MIDEAS: variants seen among roughly 807,000 people sequenced by gnomAD.
The protein encoded by MIDEAS is mitotic deacetylase associated SANT domain protein.
In MIDEAS, 26 loss-of-function variants were observed where a neutral mutation model predicts 102.7. The ratio of observed to expected loss-of-function variants is 0.25; its 90% CI spans 0.19 to 0.35. The LOEUF (loss-of-function observed/expected upper bound fraction) is 0.35. MIDEAS is among the 10% of genes least tolerant of loss of function. The pLI is 1.00. For synonymous variants in MIDEAS, 585 were observed against 591.0 expected (o/e 0.99, Z 0.15); for missense variants, 1,231 against 1,435.6 (o/e 0.86, Z 2.30).
At position 73,718,712 on chromosome 14, in the gene MIDEAS, C is replaced by G; in HGVS notation, c.*131G>C. ...AAAAGAGCCGTTTATGTCATTGTCT[C>G]ATTTGTTTCGCAGGGAAAAGTCCCT... is the stretch of plus-strand genomic sequence containing the variant. On this transcript the variant is annotated 3_prime_UTR_variant, in exon 13 of 13. Coordinates refer to ENST00000423556, the MANE Select transcript of MIDEAS (RefSeq NM_001367710.1). 1 of 952,114 alleles carries G rather than the reference C, an allele frequency of 1.1e-6. No individual in the cohort carries two copies. 59.0% of individuals were successfully genotyped at this position (952,114 alleles called of 1,614,324 possible).
At position 73,725,355 on chromosome 14, in the gene MIDEAS, C is replaced by A; in HGVS notation, c.2491G>T (p.Asp831Tyr). 1 of 1,613,890 alleles carries A rather than the reference C, an allele frequency of 6.2e-7. No individual in the cohort carries two copies. The highest frequency in any genetic ancestry group is 1.1e-5 in the South Asian group (1 of 91,034). The change falls in exon 9 of 13, where the codon GAC becomes TAC. Residue 831 changes from aspartate (D) to tyrosine (Y), a missense_variant. Coordinates refer to ENST00000423556, the MANE Select transcript of MIDEAS (RefSeq NM_001367710.1). This position sits in a 1 kb window ranked among gnomAD's most constrained non-coding sequence, Gnocchi z 4.1. Reference sequence around the variant, plus strand: ...TTCCTCTCGGCCATCTTCCACTGGTCAGAGCCTATGGGGCAAAGAGGCAGC... The same window carrying A: ...TTCCTCTCGGCCATCTTCCACTGGTAAGAGCCTATGGGGCAAAGAGGCAGC... ...PLATYHYTGSDQWKMAERKLF... is the reference protein window; with the variant it reads ...PLATYHYTGSYQWKMAERKLF...
At chr14:73,727,560 C>A (rs753244875) in intron 4 of MIDEAS, 36 bp from the exon 5 acceptor site, 2 of 1,566,650 alleles carry the variant, frequency 1.3e-6, no homozygotes, top group Admixed American at 1.8e-5. Flanking sequence ...AATAGCACCC[C>A]CCTTTCAGCA....
At chr14:73,740,965 G>A (rs2053273831) in intron 1 of MIDEAS, among the ~76,000 whole-genome samples, 1 of 152,224 alleles carries the variant, frequency 6.6e-6, no homozygotes, top group Non-Finnish European at 1.5e-5. Context: ...CCCCACCCCT[G>A]GGAAGAGCTG....
At chr14:73,789,664 G>A (rs1233043002), upstream of MIDEAS, among the ~76,000 whole-genome samples, 1 of 152,246 alleles carries the variant, frequency 6.6e-6, no homozygotes, top group Admixed American at 6.5e-5. Context: ...GGAAAGGAAA[G>A]CAGGGGCCAG....
At position 73,760,240 on chromosome 14, in the gene MIDEAS, A is replaced by G. The variant is rs1212170825; in HGVS notation, c.-725T>C. 6.6e-6 allele frequency: 1 copy of G among 152,142 alleles called. No homozygotes were observed. Among genetic ancestry groups the G allele is most frequent in the African/African-American group, 2.4e-5 (1 of 41,370 alleles). 9.4% of individuals were successfully genotyped at this position (152,142 alleles called of 1,614,324 possible). On this transcript the variant is annotated 5_prime_UTR_variant, in exon 1 of 13. Coordinates refer to ENST00000423556, the MANE Select transcript of MIDEAS (RefSeq NM_001367710.1). This position sits in a 1 kb window ranked among gnomAD's most constrained non-coding sequence, Gnocchi z 4.8. ...TCGAGGCTGGGAGCGCGGAGCGCCCAGCGGCCGGCCGGCGCGCGCGGCACC... is the reference window on the plus strand; with the variant it reads ...TCGAGGCTGGGAGCGCGGAGCGCCCGGCGGCCGGCCGGCGCGCGCGGCACC...
At chr14:73,734,578 TTTG>T (rs1013744508) in intron 3 of MIDEAS, among the ~76,000 whole-genome samples, 28 of 151,942 alleles carry the variant, frequency 1.8e-4, no homozygotes, top group Admixed American at 1.8e-3. Context: ...CAGCTAATCT[TTTG>T]TTGTTGTTGT....
rs750116914 is a variant in MIDEAS, at chr14:73,729,658, G to A, written c.2077C>T (p.Arg693Cys). 8.7e-6 allele frequency: 14 copies of A among 1,611,394 alleles called. No homozygotes were observed. The highest frequency in any genetic ancestry group is 2.2e-5 in the East Asian group (1 of 44,830). Residue 693 changes from arginine (R) to cysteine (C), a missense_variant, in exon 4 of 13, where the codon CGC becomes TGC. Arg to Cys is a radical substitution (Grantham distance 180). Coordinates refer to ENST00000423556, the MANE Select transcript of MIDEAS (RefSeq NM_001367710.1). ...PPPITPKSAH[R>C]TLLRTNSAEV... ...CACTCACTAGTCCGGAGCAGCGTGC[G>A]ATGGGCACTCTTAGGCGTGATGGGA...
intron 1 of MIDEAS, among the ~76,000 whole-genome samples, chr14:73,751,545 G>A (rs1595280050): frequency 6.6e-6 from 1 of 151,888 alleles, no homozygotes; most frequent in Admixed American, 6.6e-5. Context: ...TGCCTAAGAG[G>A]AAGTCACACC....
chr14:73,778,183 C>T (rs182941646), intron 1 of MIDEAS, among the ~76,000 whole-genome samples: 126 of 151,926 alleles, frequency 8.3e-4, no homozygotes, highest in African/African-American at 3.0e-3. Context: ...AGTGCAACCC[C>T]GTTTCTACTA....
At chr14:73,777,679 G>A (rs750799895) in intron 1 of MIDEAS, among the ~76,000 whole-genome samples, 15 of 151,970 alleles carry the variant, frequency 9.9e-5, no homozygotes, top group Non-Finnish European at 2.1e-4. Context: ...TCAGCACTCA[G>A]CTCAAACAGC....
rs1172756111 is a variant in MIDEAS at position 73,759,602 on chromosome 14, C to A, written c.-248+161G>T. On this transcript the variant is annotated intron_variant, in intron 1 of 12. Transcript: ENST00000423556. The surrounding 1 kb of genome is among the most constrained non-coding windows in gnomAD (Gnocchi z 6.7). ...GCCCGCTCCACCGCCGCCCAGGCCGCAGAAGTTCGAGCGCAGCGGCCCCCG... is the reference window on the plus strand; with the variant it reads ...GCCCGCTCCACCGCCGCCCAGGCCGAAGAAGTTCGAGCGCAGCGGCCCCCG... Among the ~76,000 whole-genome samples, 7 of 149,254 alleles carry A rather than the reference C, an allele frequency of 4.7e-5. No homozygotes were observed. In the East Asian group the frequency reaches 1.4e-3, roughly 29 times the overall value.
At chr14:73,756,949 G>T (rs1375537228) in intron 1 of MIDEAS, among the ~76,000 whole-genome samples, 2 of 151,980 alleles carry the variant, frequency 1.3e-5, no homozygotes, top group African/African-American at 2.4e-5. Context: ...CATTTTTTTT[G>T]ATGGAGATCT....
chr14:73,750,264 T>A (rs2053404841), intron 1 of MIDEAS, among the ~76,000 whole-genome samples: 1 of 152,138 alleles, frequency 6.6e-6, no homozygotes, highest in Admixed American at 6.5e-5. Flanking sequence ...TCTTGTGTCT[T>A]CCAAGTCCTT....
At chr14:73,788,699 ATTC>A (rs2053841405), upstream of MIDEAS, among the ~76,000 whole-genome samples, 1 of 152,246 alleles carries the variant, frequency 6.6e-6, no homozygotes, top group Non-Finnish European at 1.5e-5. Flanking sequence ...GTTCCCTGAA[ATTC>A]TTCTTACATC....
At chr14:73,765,482 A>G (rs943673696) in intron 1 of MIDEAS, among the ~76,000 whole-genome samples, 1 of 151,918 alleles carries the variant, frequency 6.6e-6, no homozygotes, top group Non-Finnish European at 1.5e-5. Flanking sequence ...TTTCTCATCT[A>G]TTTCCTTGCT....
intron 1 of MIDEAS, among the ~76,000 whole-genome samples, chr14:73,741,387 G>C (rs541243500): frequency 6.6e-6 from 1 of 152,076 alleles, no homozygotes; most frequent in Non-Finnish European, 1.5e-5. Flanking sequence ...GAAGTTGGTG[G>C]GGGTGGGAGC....
intron 10 of MIDEAS, chr14:73,721,769 C>T: frequency 2.3e-6 from 1 of 439,356 alleles, no homozygotes; most frequent in Non-Finnish European, 4.1e-6. Context: ...CCCATTGCCA[C>T]CCATCCTCCT....
intron 3 of MIDEAS, among the ~76,000 whole-genome samples, chr14:73,732,718 G>A (rs2053153852): frequency 2.0e-5 from 3 of 149,126 alleles, no homozygotes; most frequent in Non-Finnish European, 3.0e-5. Flanking sequence ...CCCAGAAGAC[G>A]GAGGTTGCAG....
At chr14:73,767,124 G>A (rs950467468) in intron 1 of MIDEAS, among the ~76,000 whole-genome samples, 8 of 152,130 alleles carry the variant, frequency 5.3e-5, no homozygotes, top group Admixed American at 3.3e-4. Context: ...CAAAGTGCAG[G>A]GATTACAGGC....
Sources: allele counts gnomAD v4.1 joint callset (sites outside exome capture counted in the v4.1 genomes callset), GRCh38; gene constraint gnomAD v4.1.1; non-coding constraint Gnocchi (gnomAD v3.1); transcripts MANE v1.5; gene names NCBI Gene and HGNC (gene_info 2026-07-23, HGNC 2026-07-21).